The following KCNMA1 variants were observed in gnomAD, a reference collection of about 807,000 sequenced individuals.
The protein encoded by KCNMA1 is potassium calcium-activated channel subfamily M alpha 1.
KCNMA1 carries 29 observed loss-of-function variants against 140.0 expected under a neutral mutation model. The ratio of observed to expected loss-of-function variants is 0.21; its 90% CI spans 0.15 to 0.28. The LOEUF (loss-of-function observed/expected upper bound fraction) is 0.28, where lower values mean the gene tolerates loss of function less well. Ranked by LOEUF, KCNMA1 falls within the 10% of genes least tolerant of loss-of-function variation. The probability of loss-of-function intolerance (pLI) is 1.00; values close to 1 mark genes in which losing one functional copy is unlikely to be tolerated. For synonymous variants in KCNMA1, 612 were observed against 611.9 expected (o/e 1.00, Z 0.00); for missense variants, 880 against 1,602.2 (o/e 0.55, Z 7.70).
intron 1 of KCNMA1, among the ~76,000 whole-genome samples, chr10:77,570,165 G>A (rs923993840): frequency 2.6e-5 from 4 of 151,618 alleles, no homozygotes; most frequent in East Asian, 3.9e-4. Flanking sequence ...CAACCATTGC[G>A]GAAGTCAGTG....
intron 2 of KCNMA1, among the ~76,000 whole-genome samples, chr10:77,389,866 G>A (rs1177378726): frequency 3.3e-5 from 5 of 152,322 alleles, no homozygotes; most frequent in Non-Finnish European, 5.9e-5. Context: ...AACTCACGGG[G>A]CCTTGTAAGC....
intron 1 of KCNMA1, among the ~76,000 whole-genome samples, chr10:77,448,347 T>A (rs2097566824): frequency 6.6e-6 from 1 of 152,180 alleles, no homozygotes; most frequent in South Asian, 2.1e-4. Flanking sequence ...TCTAGGGTGA[T>A]ATCAACTGGA....
intron 3 of KCNMA1, among the ~76,000 whole-genome samples, chr10:77,196,057 T>C (rs1373664547): frequency 6.6e-6 from 1 of 152,178 alleles, no homozygotes; most frequent in Non-Finnish European, 1.5e-5. Flanking sequence ...CTCAGTGGGG[T>C]GAAGTGTCTT....
At chr10:77,452,232 T>G (rs1327313603) in intron 1 of KCNMA1, among the ~76,000 whole-genome samples, 2 of 152,164 alleles carry the variant, frequency 1.3e-5, no homozygotes, top group African/African-American at 4.8e-5. Context: ...TGCCTCCTGG[T>G]CATGTCCCAT....
intron 1 of KCNMA1, chr10:77,636,677 C>T (rs1361970348): frequency 2.6e-6 from 4 of 1,533,430 alleles, no homozygotes; most frequent in Non-Finnish European, 3.5e-6. Flanking sequence ...CCCAACTTCT[C>T]TCGCCCCTCG....
chr10:76,943,932 T>C (rs1224293652), intron 23 of KCNMA1, among the ~76,000 whole-genome samples: 4 of 152,128 alleles, frequency 2.6e-5, no homozygotes, highest in Non-Finnish European at 5.9e-5. Flanking sequence ...CACCCTTCCA[T>C]CCTGGACTGA....
chr10:76,882,594 GA>G (rs2035117753), downstream of KCNMA1, among the ~76,000 whole-genome samples: 1 of 152,130 alleles, frequency 6.6e-6, no homozygotes, highest in African/African-American at 2.4e-5. Context: ...TACCGTTTAT[GA>G]AAAACCTTCT....
At chr10:77,164,070 G>A (rs540916323) in intron 5 of KCNMA1, among the ~76,000 whole-genome samples, 3 of 152,230 alleles carry the variant, frequency 2.0e-5, no homozygotes, top group East Asian at 1.9e-4. Context: ...CTCCCAGCTC[G>A]GCATTCTGCA....
chr10:77,480,010 T>C (rs2098357443), intron 1 of KCNMA1, among the ~76,000 whole-genome samples: 1 of 152,150 alleles, frequency 6.6e-6, no homozygotes, highest in South Asian at 2.1e-4. Flanking sequence ...GCTCATCGAT[T>C]ATTGGATTGA....
chr10:77,368,970 T>C (rs978040280), intron 2 of KCNMA1, among the ~76,000 whole-genome samples: 1 of 152,240 alleles, frequency 6.6e-6, no homozygotes, highest in African/African-American at 2.4e-5. Flanking sequence ...GGTAGGGCGA[T>C]TGGTGATTTC....
intron 1 of KCNMA1, chr10:77,433,734 C>T (rs1251710186): frequency 1.3e-5 from 2 of 152,174 alleles, no homozygotes; most frequent in Non-Finnish European, 2.9e-5. Context: ...CACAGATGCT[C>T]AGCCAGAAGG....
chr10:77,270,029 T>C lies in KCNMA1; in HGVS notation c.541-18773A>G, dbSNP rs1010269390. Among the ~76,000 whole-genome samples the C allele has an allele frequency of 9.2e-5, 14 of 152,284 alleles. No individual in the cohort carries two copies. The South Asian group carries it at 1.5e-3, about 16-fold the overall frequency. ...TTTGGCAGGCTGTTCCCTGGCTCTG[T>C]GGGGTCCCTCAAGCAAGCACAGCCC... On this transcript the variant is annotated intron_variant, in intron 2 of 27. Transcript: ENST00000286628.
At chr10:77,559,300 C>T (rs1429464848) in intron 1 of KCNMA1, among the ~76,000 whole-genome samples, 2 of 152,212 alleles carry the variant, frequency 1.3e-5, no homozygotes. Context: ...CTACTACCAC[C>T]ACCCAGCCTC....
intron 2 of KCNMA1, among the ~76,000 whole-genome samples, chr10:77,383,967 T>C (rs617142): frequency 0.82 from 124,797 of 152,250 alleles, 51,462 homozygotes; most frequent in African/African-American, 0.9. Context: ...CATGGGCATC[T>C]CCAAGGGACA....
chr10:76,878,673 T>C (rs1396285305), intron 29 of KCNMA1, among the ~76,000 whole-genome samples: 3 of 152,200 alleles, frequency 2.0e-5, no homozygotes, highest in Non-Finnish European at 2.9e-5. Flanking sequence ...AGTCTTGGCA[T>C]TTCATTTCCA....
At chr10:76,983,559 G>A (rs539879141) in intron 19 of KCNMA1, among the ~76,000 whole-genome samples, 13 of 151,966 alleles carry the variant, frequency 8.6e-5, no homozygotes, top group Middle Eastern at 3.4e-3. Flanking sequence ...GCAAAACCCC[G>A]TCTCTAAAAA....
chr10:77,500,471 G>A (rs757454369), intron 1 of KCNMA1, among the ~76,000 whole-genome samples: 1 of 152,240 alleles, frequency 6.6e-6, no homozygotes, highest in Non-Finnish European at 1.5e-5. Context: ...AATATAGTGA[G>A]ACACCATCTC....
intron 1 of KCNMA1, chr10:77,636,308 G>T: frequency 1.3e-6 from 2 of 1,506,276 alleles, no homozygotes; most frequent in South Asian, 1.3e-5. Context: ...CACGACTACA[G>T]ACCAGGCAGT....
At chr10:77,427,413 T>C (rs2097032031) in intron 1 of KCNMA1, among the ~76,000 whole-genome samples, 1 of 152,230 alleles carries the variant, frequency 6.6e-6, no homozygotes. Context: ...TGCCCTCCCC[T>C]GGAAGGGGGC....
Sources: gnomAD v4.1 joint callset for allele counts (sites outside exome capture counted in the v4.1 genomes callset) on GRCh38, gnomAD v4.1.1 for gene constraint, MANE v1.5 for transcripts, NCBI Gene and HGNC (gene_info 2026-07-23, HGNC 2026-07-21) for gene names.